DHX16: variants seen among roughly 807,000 people sequenced by gnomAD.
The protein encoded by DHX16 is pre-mRNA-splicing factor ATP-dependent RNA helicase DHX16.
DHX16 carries 81 observed loss-of-function variants against 131.2 expected under a neutral mutation model. The observed-to-expected ratio is 0.62, with a 90% confidence interval of 0.52 to 0.74. The LOEUF is 0.74. Ranked by LOEUF, DHX16 falls within the 30% of genes least tolerant of loss-of-function variation. The pLI is 0.00. For synonymous variants in DHX16, 440 were observed against 520.2 expected (o/e 0.85, Z 2.10); for missense variants, 980 against 1,363.1 (o/e 0.72, Z 4.43).
rs753832400 is a variant in DHX16, at chr6:30,665,254, T to C, written c.942A>G (p.Leu314=). ...CAGGGGCTCCTGATTCCTCCTCCAC[T>C]AGATCCACAGCTCGGGCTGGCTACA... The part of the protein sequence containing the change: ...TRGQPARAVD[L]VEEESGAPGE... Residue 314 remains leucine (L), a synonymous_variant, in exon 6 of 20, where the codon CTA becomes CTG. Transcript: ENST00000376442. This position sits in a 1 kb window ranked among gnomAD's most constrained non-coding sequence, Gnocchi z 4.8. The C allele has an allele frequency of 6.2e-7, 1 of 1,603,972 alleles. No homozygotes were observed. The highest frequency in any genetic ancestry group is 8.5e-7 in the Non-Finnish European group (1 of 1,179,742).
chr6:30,672,920 CCCTCGGCTGGAG>C lies in DHX16; in HGVS notation c.-91_-80del. ...TGCTGGGCCGGTCAGAGGCCTGGAG[CCCTCGGCTGGAG>C]CCTCAGCTTCGCAAGTCAGCTACCT... On this transcript the variant is annotated 5_prime_UTR_variant, in exon 1 of 20. Coordinates refer to ENST00000376442, the MANE Select transcript of DHX16 (RefSeq NM_003587.5). The C allele has an allele frequency of 6.3e-7, 1 of 1,577,734 alleles. No individual in the cohort carries two copies. Among genetic ancestry groups the C allele is most frequent in the Non-Finnish European group, 8.6e-7 (1 of 1,162,072 alleles).
chr6:30,653,631 G>GTGCTAGGATCCTGCCTTGGCCTCCCAAAA (rs1483300742), intron 19 of DHX16, among the ~76,000 whole-genome samples: 6 of 152,166 alleles, frequency 3.9e-5, no homozygotes, highest in Admixed American at 1.3e-4. Context: ...GCCTCCCAAA[G>GTGCTAGGATCCTGCCTTGGCCTCCCAAAA]TGCTGGGATG....
chr6:30,653,406 T>C, intron 19 of DHX16, 36 bp from the exon 20 acceptor site: 2 of 1,563,140 alleles, frequency 1.3e-6, no homozygotes, highest in Non-Finnish European at 1.7e-6. Flanking sequence ...GTTCCCTTCT[T>C]TCCAACATAG....
intron 7 of DHX16, 45 bp downstream of exon 7, chr6:30,664,756 T>C (rs1231689755): frequency 7.7e-6 from 12 of 1,549,072 alleles, no homozygotes; most frequent in Non-Finnish European, 8.0e-6. Context: ...AATGAGGACA[T>C]TGATGCCAGG....
At position 30,665,269 on chromosome 6, in the gene DHX16, G is replaced by A. The variant is rs765371302; in HGVS notation, c.927C>T (p.Ala309=). 1 of 1,602,362 alleles carries A rather than the reference G, an allele frequency of 6.2e-7. No individual in the cohort carries two copies. The highest frequency in any genetic ancestry group is 8.5e-7 in the Non-Finnish European group (1 of 1,179,596). ...HMPKETRGQP[A]RAVDLVEEES... Reference sequence around the variant, plus strand: ...CCTCCTCCACTAGATCCACAGCTCGGGCTGGCTACAGAGAGAGGGGATATG... The same window carrying A: ...CCTCCTCCACTAGATCCACAGCTCGAGCTGGCTACAGAGAGAGGGGATATG... The change falls in exon 6 of 20, where the codon GCC becomes GCT. Residue 309 remains alanine, a synonymous_variant. Transcript: ENST00000376442. This position sits in a 1 kb window ranked among gnomAD's most constrained non-coding sequence, Gnocchi z 4.8.
At position 30,670,570 on chromosome 6, in the gene DHX16, CA is replaced by C; in HGVS notation, c.610-105del. The C allele has an allele frequency of 2.3e-6, 3 of 1,324,136 alleles. No individual in the cohort carries two copies. Among genetic ancestry groups the C allele is most frequent in the Non-Finnish European group, 2.1e-6 (2 of 953,738 alleles). 82.0% of individuals were successfully genotyped at this position (1,324,136 alleles called of 1,614,324 possible). A position where few individuals can be genotyped will look rare whatever the true frequency, so the allele number is the denominator to read the frequency against. On this transcript the variant is annotated intron_variant, in intron 3 of 19. Coordinates refer to ENST00000376442, the MANE Select transcript of DHX16 (RefSeq NM_003587.5). The surrounding 1 kb of genome is among the most constrained non-coding windows in gnomAD (Gnocchi z 4.4). Reference sequence around the variant, plus strand: ...AGGATCATTCAGATGCGCCCTAACACAAAAAATGTCCCCTCTCAGTGAGGAA... The same window carrying C: ...AGGATCATTCAGATGCGCCCTAACACAAAAATGTCCCCTCTCAGTGAGGAA...
intron 12 of DHX16, among the ~76,000 whole-genome samples, chr6:30,658,731 G>C (rs1768206627): frequency 6.6e-6 from 1 of 151,606 alleles, no homozygotes; most frequent in African/African-American, 2.4e-5. Flanking sequence ...AATAAATAAA[G>C]TCCAAACTTT....
In DHX16 at chr6:30,672,626, T is replaced by C; in HGVS notation, c.207+9A>G. Reference sequence around the variant, plus strand: ...AAATCACAGGGCCCCTCCCCACCCCTGCCGACACCTTGTTCCAGAGTCTCA... The same window carrying C: ...AAATCACAGGGCCCCTCCCCACCCCCGCCGACACCTTGTTCCAGAGTCTCA... On this transcript the variant is annotated intron_variant, in intron 1 of 19. Transcript: ENST00000376442. 1 of 1,605,220 alleles carries C rather than the reference T, an allele frequency of 6.2e-7. No homozygotes were observed. Among genetic ancestry groups the C allele is most frequent in the Non-Finnish European group, 8.5e-7 (1 of 1,173,556 alleles).
rs775566964 is a variant in DHX16, at chr6:30,655,265, G to A, written c.2733C>T (p.Ala911=). 3 of 1,614,176 alleles carry A rather than the reference G, an allele frequency of 1.9e-6. No homozygotes were observed. The change falls in exon 18 of 20, where the codon GCC becomes GCT. Residue 911 remains alanine (A), a synonymous_variant. Coordinates refer to ENST00000376442, the MANE Select transcript of DHX16 (RefSeq NM_003587.5). ...CTTCCAGCTGTTCCCGCACATCCCG[G>A]GCTCGGCGCATCGATCTGAACTGTA... ...NFVQFRSMRR[A]RDVREQLEGL...
At chr6:30,659,359 T>C (rs1768262186) in intron 12 of DHX16, 113 bp downstream of exon 12, 1 of 1,191,250 alleles carries the variant, frequency 8.4e-7, no homozygotes, top group Non-Finnish European at 1.2e-6. Flanking sequence ...TGGCTGCTCC[T>C]CAGCTGTGTG....
intron 9 of DHX16, chr6:30,661,933 A>G (rs561748472): frequency 2.8e-6 from 2 of 711,962 alleles, no homozygotes; most frequent in Non-Finnish European, 5.3e-6. Context: ...TGATCTTCCA[A>G]GACCAGAAAT....
intron 4 of DHX16, among the ~76,000 whole-genome samples, chr6:30,668,507 C>A (rs1053632911): frequency 1.3e-5 from 2 of 151,888 alleles, no homozygotes; most frequent in Admixed American, 1.3e-4. Context: ...AAAAATCAGC[C>A]AGGCATGCTA....
At chr6:30,669,545 C>T (rs1334770623) in intron 4 of DHX16, among the ~76,000 whole-genome samples, 1 of 151,914 alleles carries the variant, frequency 6.6e-6, no homozygotes, top group African/African-American at 2.4e-5. Flanking sequence ...ATCACAAGGT[C>T]AGGGGTTCGA....
chr6:30,662,891 C>G lies in DHX16; in HGVS notation c.1428+20G>C, dbSNP rs191742100. 1 of 1,608,790 alleles carries G rather than the reference C, an allele frequency of 6.2e-7. No homozygotes were observed. The highest frequency in any genetic ancestry group is 2.2e-5 in the East Asian group (1 of 44,872). On this transcript the variant is annotated intron_variant, in intron 8 of 19. Coordinates refer to ENST00000376442, the MANE Select transcript of DHX16 (RefSeq NM_003587.5). The surrounding 1 kb of genome is among the most constrained non-coding windows in gnomAD (Gnocchi z 4.7). ...GTCACAGACCCCAGACTCTACCCCCCGGTTCCCTAGAAATCTCACCTCATT... is the reference window on the plus strand; with the variant it reads ...GTCACAGACCCCAGACTCTACCCCCGGGTTCCCTAGAAATCTCACCTCATT...
rs775897755 is a variant in DHX16 at position 30,671,051 on chromosome 6, CCTTT to C, written c.427_430del (p.Lys143GlyfsTer119). Reference sequence around the variant, plus strand: ...TCTGACTTACCCTGTTTTCTTCTTCCCTTTCTCAGAAGCCTCTTCCTCCTCTTCT... The same window carrying C: ...TCTGACTTACCCTGTTTTCTTCTTCCCTCAGAAGCCTCTTCCTCCTCTTCT... On this transcript the variant is annotated frameshift_variant, in exon 2 of 20. Coordinates refer to ENST00000376442, the MANE Select transcript of DHX16 (RefSeq NM_003587.5). LOFTEE classifies it high-confidence loss of function. The C allele has an allele frequency of 6.2e-7, 1 of 1,613,080 alleles. No homozygotes were observed. Among genetic ancestry groups the C allele is most frequent in the Non-Finnish European group, 8.5e-7 (1 of 1,180,032 alleles).
intron 18 of DHX16, 64 bp from the exon 19 acceptor site, chr6:30,654,943 A>C: frequency 6.5e-7 from 1 of 1,529,052 alleles, no homozygotes; most frequent in Non-Finnish European, 8.9e-7. Flanking sequence ...CTAAGAATGC[A>C]CTACCTTTTT....
At chr6:30,655,110 C>A (rs1000719094) in intron 18 of DHX16, 65 bp downstream of exon 18, 4 of 1,599,314 alleles carry the variant, frequency 2.5e-6, no homozygotes, top group South Asian at 2.2e-5. Context: ...GCTGCATGCC[C>A]CCAGAGAAGC....
Position 30,663,079 on chromosome 6 carries a change from C to T in DHX16, c.1318-58G>A, listed in dbSNP as rs1768674492. On this transcript the variant is annotated intron_variant, in intron 7 of 19. Transcript: ENST00000376442. The stretch of plus-strand genomic sequence containing the variant: ...CTTTACTAAATATGCACCCTGGGAC[C>T]AGGTACATTTCAGAGAAAGAAGTTG... 3 of 1,338,134 alleles carry T rather than the reference C, an allele frequency of 2.2e-6. No individual in the cohort carries two copies. In the South Asian group the frequency reaches 4.0e-5, roughly 18 times the overall value. 82.9% of individuals were successfully genotyped at this position (1,338,134 alleles called of 1,614,324 possible).
chr6:30,653,481 G>A, intron 19 of DHX16, 111 bp from the exon 20 acceptor site: 1 of 1,250,656 alleles, frequency 8.0e-7, no homozygotes. Flanking sequence ...TGCCCAGGCT[G>A]GACTGCAGTG....
Sources: allele counts gnomAD v4.1 joint callset (sites outside exome capture counted in the v4.1 genomes callset), GRCh38; gene constraint gnomAD v4.1.1; non-coding constraint Gnocchi (gnomAD v3.1); transcripts MANE v1.5; gene names NCBI Gene and HGNC (gene_info 2026-07-23, HGNC 2026-07-21).